The following INSC variants were observed in gnomAD, a reference collection of about 807,000 sequenced individuals.
INSC encodes the protein protein inscuteable homolog.
Under a neutral mutation model 58.6 loss-of-function variants are expected in INSC, and 67 were observed. That is an observed-to-expected ratio of 1.14 (90% CI 0.94 to 1.40). INSC has a LOEUF of 1.40. Among genes scored for constraint, INSC ranks in the 40% most tolerant of loss-of-function variants. The pLI is 0.00. For missense variants in INSC, 714 were observed against 692.0 expected (o/e 1.03, Z -0.36); for synonymous variants, 262 against 276.1 (o/e 0.95, Z 0.51).
intron 6 of INSC, among the ~76,000 whole-genome samples, chr11:15,194,072 T>C (rs1218231079): frequency 6.6e-6 from 1 of 152,248 alleles, no homozygotes; most frequent in East Asian, 1.9e-4. Flanking sequence ...ATGGTGGTTT[T>C]CATTAATTAT....
intron 2 of INSC, among the ~76,000 whole-genome samples, chr11:15,167,692 C>G (rs541743834): frequency 6.6e-6 from 1 of 151,954 alleles, no homozygotes; most frequent in African/African-American, 2.4e-5. Context: ...CTATGTTGCT[C>G]AGGTTGGTCT....
intron 2 of INSC, among the ~76,000 whole-genome samples, chr11:15,149,836 CCT>C (rs151053281): frequency 2.6e-5 from 4 of 152,036 alleles, no homozygotes; most frequent in African/African-American, 9.7e-5. Context: ...GAGCCTGAAC[CCT>C]CTCTCTCTCC....
intron 12 of INSC, chr11:15,241,727 A>G: frequency 4.6e-6 from 3 of 646,582 alleles, no homozygotes; most frequent in Non-Finnish European, 8.3e-6. Flanking sequence ...AATGCAAAAA[A>G]GTAAAATATA....
intron 8 of INSC, among the ~76,000 whole-genome samples, chr11:15,224,697 G>T (rs1452521642): frequency 6.6e-6 from 1 of 152,234 alleles, no homozygotes; most frequent in African/African-American, 2.4e-5. Flanking sequence ...GCCCATCTAT[G>T]CCTCCTCCTG....
At chr11:15,137,411 T>G (rs1427166311) in intron 1 of INSC, among the ~76,000 whole-genome samples, 1 of 152,208 alleles carries the variant, frequency 6.6e-6, no homozygotes, top group Non-Finnish European at 1.5e-5. Flanking sequence ...TCTCTAGCTA[T>G]GAAAGTCATA....
At chr11:15,211,236 C>T (rs192598950) in intron 7 of INSC, among the ~76,000 whole-genome samples, 83 of 152,280 alleles carry the variant, frequency 5.5e-4, no homozygotes, top group African/African-American at 2.0e-3. Flanking sequence ...CTGCTTGTGA[C>T]CAACTTGAGT....
intron 4 of INSC, among the ~76,000 whole-genome samples, chr11:15,177,605 A>G (rs948440501): frequency 6.6e-6 from 1 of 152,188 alleles, no homozygotes; most frequent in Non-Finnish European, 1.5e-5. Context: ...GCACAGAAAT[A>G]CATTCACACC....
upstream of INSC, among the ~76,000 whole-genome samples, chr11:15,114,556 G>A (rs1052930096): frequency 2.0e-5 from 3 of 152,116 alleles, no homozygotes; most frequent in East Asian, 1.9e-4. Flanking sequence ...GTTGGCATGC[G>A]GGGCACCTTG....
chr11:15,183,386 T>C (rs952194819), intron 5 of INSC, among the ~76,000 whole-genome samples: 9 of 149,850 alleles, frequency 6.0e-5, no homozygotes, highest in Non-Finnish European at 1.0e-4. Context: ...AAAAAATAAA[T>C]TGTGTATTTT....
intron 6 of INSC, among the ~76,000 whole-genome samples, chr11:15,192,411 A>G (rs1850213619): frequency 6.6e-6 from 1 of 152,236 alleles, no homozygotes; most frequent in Admixed American, 6.5e-5. Flanking sequence ...ATTGCTTTCC[A>G]GACACGCTCC....
chr11:15,241,721 C>T (rs1401290593), intron 12 of INSC: 1 of 638,930 alleles, frequency 1.6e-6, no homozygotes, highest in Non-Finnish European at 2.8e-6. Context: ...CCTTTAAATG[C>T]AAAAAAGTAA....
At chr11:15,212,342 C>T (rs764798388) in intron 7 of INSC, among the ~76,000 whole-genome samples, 9 of 152,040 alleles carry the variant, frequency 5.9e-5, no homozygotes, top group African/African-American at 2.2e-4. Context: ...TCAGGTGATC[C>T]GCCCACCTCA....
At chr11:15,237,318 T>C (rs1852169506) in intron 10 of INSC, among the ~76,000 whole-genome samples, 1 of 152,210 alleles carries the variant, frequency 6.6e-6, no homozygotes, top group Admixed American at 6.5e-5. Flanking sequence ...ACTGGAACCA[T>C]ACTCTGTGGG....
At chr11:15,192,718 G>A (rs2133865369) in intron 6 of INSC, among the ~76,000 whole-genome samples, 1 of 152,278 alleles carries the variant, frequency 6.6e-6, no homozygotes. Flanking sequence ...GGGTCATCCT[G>A]TGTCCAGAAA....
chr11:15,185,202 T>C (rs1363763379), intron 5 of INSC, among the ~76,000 whole-genome samples: 2 of 152,234 alleles, frequency 1.3e-5, no homozygotes, highest in Non-Finnish European at 2.9e-5. Flanking sequence ...TGATGATAGA[T>C]TGCTATGTGA....
At chr11:15,219,935 T>C (rs969123643) in intron 7 of INSC, among the ~76,000 whole-genome samples, 4 of 152,194 alleles carry the variant, frequency 2.6e-5, no homozygotes, top group Non-Finnish European at 4.4e-5. Context: ...GTTAAACACC[T>C]GGCATGAGTC....
chr11:15,180,821 C>T lies in INSC; in HGVS notation c.579+2374C>T, dbSNP rs1849754180. Among the ~76,000 whole-genome samples the T allele has an allele frequency of 1.3e-5, 2 of 152,136 alleles. 1 individual carries two copies. Among genetic ancestry groups the T allele is most frequent in the South Asian group, 4.1e-4 (2 of 4,822 alleles). ...CAAGTCCCATGATTTCCTCCATGCC[C>T]TTTTAAGGGCTGAGCTTACCATGCT... On this transcript the variant is annotated intron_variant, in intron 5 of 12. Transcript: ENST00000379556.
intron 2 of INSC, among the ~76,000 whole-genome samples, chr11:15,165,912 T>G (rs1849180110): frequency 1.3e-5 from 2 of 152,104 alleles, no homozygotes; most frequent in Non-Finnish European, 2.9e-5. Context: ...CTGGGGACTC[T>G]TAGATGCACT....
intron 9 of INSC, among the ~76,000 whole-genome samples, chr11:15,231,029 G>A (rs933582539): frequency 2.8e-4 from 42 of 152,292 alleles, no homozygotes; most frequent in African/African-American, 9.4e-4. Context: ...AGCCCTCTCA[G>A]GTCCTGCGCC....
Sources: allele counts gnomAD v4.1 joint callset (sites outside exome capture counted in the v4.1 genomes callset), GRCh38; gene constraint gnomAD v4.1.1; transcripts MANE v1.5; gene names NCBI Gene and HGNC (gene_info 2026-07-23, HGNC 2026-07-21).